Variants in NT5DC1 observed in about 807,000 individuals in gnomAD.
The protein encoded by NT5DC1 is 5'-nucleotidase domain containing 1, also known as 5'-nucleotidase domain-containing protein 1.
Under a neutral mutation model 59.4 loss-of-function variants are expected in NT5DC1, and 42 were observed. That is an observed-to-expected ratio of 0.71 (90% CI 0.55 to 0.92). The LOEUF (loss-of-function observed/expected upper bound fraction) is 0.92. NT5DC1 is among the 40% of genes least tolerant of loss of function. NT5DC1 has a pLI of 0.00. For missense variants in NT5DC1, 501 were observed against 537.1 expected (o/e 0.93, Z 0.66); for synonymous variants, 172 against 188.1 (o/e 0.91, Z 0.70).
chr6:116,182,936 T>G (rs1210811625), intron 6 of NT5DC1, among the ~76,000 whole-genome samples: 1 of 152,152 alleles, frequency 6.6e-6, no homozygotes, highest in Non-Finnish European at 1.5e-5. Context: ...TTCTTGATCA[T>G]GAAGTCTTTG....
intron 3 of NT5DC1, among the ~76,000 whole-genome samples, chr6:116,108,672 C>A (rs1392371886): frequency 6.6e-6 from 1 of 152,174 alleles, no homozygotes; most frequent in Non-Finnish European, 1.5e-5. Context: ...ATTTGTAGGA[C>A]ATACAATAGA....
intron 8 of NT5DC1, among the ~76,000 whole-genome samples, chr6:116,223,877 T>G (rs1781858432): frequency 3.3e-5 from 5 of 152,184 alleles, no homozygotes; most frequent in Admixed American, 3.3e-4. Flanking sequence ...TGAAACACAC[T>G]TAATGGTTGC....
At chr6:116,220,234 A>G (rs1442623663) in intron 6 of NT5DC1, among the ~76,000 whole-genome samples, 1 of 150,078 alleles carries the variant, frequency 6.7e-6, no homozygotes, top group African/African-American at 2.5e-5. Context: ...ATGCTCTGAG[A>G]ACAGTATGTG....
At chr6:116,108,314 A>G in intron 2 of NT5DC1, 50 bp from the exon 3 acceptor site, 2 of 1,129,328 alleles carry the variant, frequency 1.8e-6, no homozygotes, top group Non-Finnish European at 2.7e-6. Context: ...GTTATTTCTT[A>G]GGTTAGCTAA....
Position 116,248,894 on chromosome 6 carries a change from T to C in NT5DC1, c.*4870T>C, listed in dbSNP as rs1771894326. On this transcript the variant is annotated 3_prime_UTR_variant, in exon 12 of 12. Coordinates refer to ENST00000319550, the MANE Select transcript of NT5DC1 (RefSeq NM_152729.3). Reference sequence around the variant, plus strand: ...TGAGTAATTTAATGACTAATTTTATTAGGCTAAACAGAACAGAAACCATGC... The same window carrying C: ...TGAGTAATTTAATGACTAATTTTATCAGGCTAAACAGAACAGAAACCATGC... The C allele has an allele frequency of 6.6e-6, 1 of 152,230 alleles. No individual in the cohort carries two copies. Among genetic ancestry groups the C allele is most frequent in the Non-Finnish European group, 1.5e-5 (1 of 68,040 alleles). The allele number at this position is 152,230 out of a possible 1,614,324, so 9.4% of individuals were successfully genotyped here.
rs1366367057 is a variant in NT5DC1 at position 116,245,155 on chromosome 6, T to G, written c.*1131T>G. 6.6e-6 allele frequency: 1 copy of G among 152,224 alleles called. No individual in the cohort carries two copies. Among genetic ancestry groups the G allele is most frequent in the Non-Finnish European group, 1.5e-5 (1 of 68,034 alleles). 9.4% of individuals were successfully genotyped at this position (152,224 alleles called of 1,614,324 possible). A position where few individuals can be genotyped will look rare whatever the true frequency, so the allele number is the denominator to read the frequency against. ...CATGCTACAATCCAGGACTGTGGTGTTCTATGTGCCGTGTATGGTCATATT... is the reference window on the plus strand; with the variant it reads ...CATGCTACAATCCAGGACTGTGGTGGTCTATGTGCCGTGTATGGTCATATT... On this transcript the variant is annotated 3_prime_UTR_variant, in exon 12 of 12. Transcript: ENST00000319550.
intron 6 of NT5DC1, among the ~76,000 whole-genome samples, chr6:116,159,837 A>C (rs2114423098): frequency 6.6e-6 from 1 of 152,110 alleles, no homozygotes. Flanking sequence ...GTCCATGTGT[A>C]CTTCACTTAT....
chr6:116,153,167 ACATAATTT>A (rs1250387614), intron 6 of NT5DC1, among the ~76,000 whole-genome samples: 1 of 151,962 alleles, frequency 6.6e-6, no homozygotes, highest in Non-Finnish European at 1.5e-5. Flanking sequence ...CAAATATACA[ACATAATTT>A]TTGAGTAGGG....
intron 8 of NT5DC1, among the ~76,000 whole-genome samples, chr6:116,225,379 T>G (rs1208572205): frequency 1.3e-5 from 2 of 152,174 alleles, no homozygotes; most frequent in Non-Finnish European, 1.5e-5. Context: ...TGAGAGAATG[T>G]AGATAGGCAA....
At chr6:116,153,628 C>A (rs1780108362) in intron 6 of NT5DC1, among the ~76,000 whole-genome samples, 1 of 152,054 alleles carries the variant, frequency 6.6e-6, no homozygotes, top group South Asian at 2.1e-4. Flanking sequence ...AGTTAGGCTT[C>A]AGAAATAGAA....
At chr6:116,241,784 G>A (rs1006454933) in intron 11 of NT5DC1, among the ~76,000 whole-genome samples, 20 of 151,514 alleles carry the variant, frequency 1.3e-4, no homozygotes, top group South Asian at 4.2e-4. Flanking sequence ...TTAGCCAGGC[G>A]TGGTGGCGGG....
At chr6:116,158,405 T>C (rs1443366003) in intron 6 of NT5DC1, among the ~76,000 whole-genome samples, 2 of 152,200 alleles carry the variant, frequency 1.3e-5, no homozygotes, top group Admixed American at 6.5e-5. Flanking sequence ...AATGATTTAC[T>C]TTTTATTTAA....
At chr6:116,121,786 C>G (rs761642860) in intron 6 of NT5DC1, 2 of 1,613,822 alleles carry the variant, frequency 1.2e-6, no homozygotes, top group South Asian at 2.2e-5. Context: ...GGAGTCCTGG[C>G]ACACCTGGTT....
chr6:116,186,927 G>A (rs1248209452), intron 6 of NT5DC1, among the ~76,000 whole-genome samples: 2 of 151,966 alleles, frequency 1.3e-5, no homozygotes, highest in African/African-American at 4.8e-5. Flanking sequence ...TTATCTTTTG[G>A]GGGTGTTAAC....
chr6:116,109,289 T>C (rs1005377824), intron 3 of NT5DC1, among the ~76,000 whole-genome samples: 9 of 152,210 alleles, frequency 5.9e-5, no homozygotes, highest in African/African-American at 1.7e-4. Context: ...TCCCCCGACC[T>C]TCCCCTAAGG....
chr6:116,150,586 T>C (rs2114395362), intron 6 of NT5DC1, among the ~76,000 whole-genome samples: 1 of 152,232 alleles, frequency 6.6e-6, no homozygotes, highest in Non-Finnish European at 1.5e-5. Flanking sequence ...CACCTGGCCT[T>C]GAAAATGGGG....
At chr6:116,106,134 C>T (rs1232260896) in intron 1 of NT5DC1, 110 bp from the exon 2 acceptor site, 8 of 725,872 alleles carry the variant, frequency 1.1e-5, no homozygotes, top group Non-Finnish European at 1.8e-5. Context: ...CAGATATTTC[C>T]TTCCTCCTAC....
intron 6 of NT5DC1, among the ~76,000 whole-genome samples, chr6:116,216,271 A>G (rs768576118): frequency 9.9e-5 from 15 of 152,124 alleles, no homozygotes; most frequent in Admixed American, 5.3e-4. Context: ...GTGATTTCCA[A>G]TGAAGCAGGC....
intron 6 of NT5DC1, among the ~76,000 whole-genome samples, chr6:116,202,658 T>C (rs1461244128): frequency 6.6e-6 from 1 of 151,988 alleles, no homozygotes; most frequent in African/African-American, 2.4e-5. Context: ...CACATGATGT[T>C]TGTTAGGTTA....
Sources: gnomAD v4.1 joint callset for allele counts (sites outside exome capture counted in the v4.1 genomes callset) on GRCh38, gnomAD v4.1.1 for gene constraint, MANE v1.5 for transcripts, NCBI Gene and HGNC (gene_info 2026-07-23, HGNC 2026-07-21) for gene names.